Variants in ZNF592 observed in about 807,000 individuals in gnomAD.
ZNF592 encodes the protein zinc finger protein 592, also known as spinocerebellar ataxia, autosomal recessive 5.
ZNF592 carries 11 observed loss-of-function variants against 80.3 expected under a neutral mutation model. The ratio of observed to expected loss-of-function variants is 0.14; its 90% CI spans 0.09 to 0.23. The LOEUF is 0.23. Ranked by LOEUF, ZNF592 falls within the 10% of genes least tolerant of loss-of-function variation. The probability of loss-of-function intolerance (pLI) is 1.00; values close to 1 mark genes in which losing one functional copy is unlikely to be tolerated. For missense variants in ZNF592, 1,420 were observed against 1,633.9 expected, an observed-to-expected ratio of 0.87 and a Z score of 2.26; for synonymous variants, 646 against 640.3, an observed-to-expected ratio of 1.01 and a Z score of -0.13.
At chr15:84,789,285 A>G (rs753435000) in intron 4 of ZNF592, among the ~76,000 whole-genome samples, 1 of 151,480 alleles carries the variant, frequency 6.6e-6, no homozygotes, top group Non-Finnish European at 1.5e-5. Flanking sequence ...AGGCTGAATA[A>G]TATTCCATTG....
intron 5 of ZNF592, among the ~76,000 whole-genome samples, chr15:84,797,170 T>C (rs1596133700): frequency 6.6e-6 from 1 of 152,306 alleles, no homozygotes; most frequent in East Asian, 1.9e-4. Context: ...ATGTCGGCCA[T>C]GTCTCATCTT....
At chr15:84,790,583 A>C (rs1962717982) in intron 4 of ZNF592, 122 bp from the exon 5 acceptor site, 3 of 974,548 alleles carry the variant, frequency 3.1e-6, no homozygotes, top group African/African-American at 1.6e-5. Context: ...GAGAGTTGGA[A>C]GAGAGAGTGG....
chr15:84,777,978 G>A (rs938576661), intron 2 of ZNF592, among the ~76,000 whole-genome samples: 3 of 152,090 alleles, frequency 2.0e-5, no homozygotes, highest in Admixed American at 2.0e-4. Context: ...GATTACAGGC[G>A]TGAGCCACCG....
chr15:84,778,239 C>T lies in ZNF592; in HGVS notation c.-93C>T. 4.0e-6 allele frequency: 1 copy of T among 247,312 alleles called. No homozygotes were observed. Among genetic ancestry groups the T allele is most frequent in the Non-Finnish European group, 7.9e-6 (1 of 126,194 alleles). 15.3% of individuals were successfully genotyped at this position (247,312 alleles called of 1,614,324 possible). A position where few individuals can be genotyped will look rare whatever the true frequency, so the allele number is the denominator to read the frequency against. On this transcript the variant is annotated 5_prime_UTR_variant, in exon 3 of 11. Coordinates refer to ENST00000560079, the MANE Select transcript of ZNF592 (RefSeq NM_014630.3). ...GAGAAGACAGAAGGAAGACGCTCCC[C>T]CGTACGGAGACAGAGGGAGGGGGGG... is the stretch of plus-strand genomic sequence containing the variant.
At chr15:84,786,170 A>G (rs933860206) in intron 4 of ZNF592, among the ~76,000 whole-genome samples, 1 of 152,120 alleles carries the variant, frequency 6.6e-6, no homozygotes, top group Non-Finnish European at 1.5e-5. Context: ...CAACCAGGGG[A>G]TGCCGGCAGA....
intron 1 of ZNF592, among the ~76,000 whole-genome samples, chr15:84,764,286 T>C (rs1391505383): frequency 6.6e-6 from 1 of 152,216 alleles, no homozygotes; most frequent in Non-Finnish European, 1.5e-5. Context: ...CTGAGGTTGG[T>C]GGCATAATGC....
intron 1 of ZNF592, among the ~76,000 whole-genome samples, chr15:84,759,711 G>A (rs982339447): frequency 2.0e-5 from 3 of 152,148 alleles, no homozygotes; most frequent in African/African-American, 7.2e-5. Context: ...GGCACTTGGG[G>A]GCAAGAGTGT....
At chr15:84,787,279 C>T (rs1443454630) in intron 4 of ZNF592, among the ~76,000 whole-genome samples, 1 of 152,138 alleles carries the variant, frequency 6.6e-6, no homozygotes, top group African/African-American at 2.4e-5. Flanking sequence ...AGAAGAGCAC[C>T]CGCCGACAGG....
intron 2 of ZNF592, among the ~76,000 whole-genome samples, chr15:84,766,175 G>T (rs1899513587): frequency 6.6e-6 from 1 of 151,992 alleles, no homozygotes; most frequent in Non-Finnish European, 1.5e-5. Flanking sequence ...ACCGTGCCTG[G>T]CTACATGGTC....
intron 1 of ZNF592, among the ~76,000 whole-genome samples, chr15:84,751,736 C>G (rs992171917): frequency 6.6e-6 from 1 of 151,834 alleles, no homozygotes; most frequent in African/African-American, 2.4e-5. Context: ...GAAACCCTGT[C>G]TCTACTAAAA....
chr15:84,796,260 A>ATTT (rs1351595188), intron 5 of ZNF592, among the ~76,000 whole-genome samples: 95 of 27,618 alleles, frequency 3.4e-3, no homozygotes, highest in African/African-American at 3.9e-3. Context: ...ATATATATAT[A>ATTT]TATATTTTAT....
chr15:84,766,482 G>T (rs922599565), intron 2 of ZNF592, among the ~76,000 whole-genome samples: 3 of 152,112 alleles, frequency 2.0e-5, no homozygotes, highest in Non-Finnish European at 4.4e-5. Flanking sequence ...CTTGCTGAAG[G>T]CTGGCTTCCC....
At chr15:84,800,354 A>G (rs1296693555) in intron 10 of ZNF592, among the ~76,000 whole-genome samples, 2 of 151,574 alleles carry the variant, frequency 1.3e-5, no homozygotes, top group Non-Finnish European at 2.9e-5. Flanking sequence ...TGTTTGGCCA[A>G]CTCACCCCCC....
intron 1 of ZNF592, among the ~76,000 whole-genome samples, chr15:84,750,514 C>A (rs1425632780): frequency 6.6e-6 from 1 of 151,982 alleles, no homozygotes; most frequent in Non-Finnish European, 1.5e-5. Flanking sequence ...AAGAAGGAAG[C>A]AGGGAAGGAG....
At position 84,764,052 on chromosome 15, in the gene ZNF592, C is replaced by T. The variant is rs184299592; in HGVS notation, c.-258-655C>T. ...ATCACCTGCTCTGTGCTGACCTCTT[C>T]CTACACTGCTATCTGCCCCCGCCAT... On this transcript the variant is annotated intron_variant, in intron 1 of 10. Coordinates refer to ENST00000560079, the MANE Select transcript of ZNF592 (RefSeq NM_014630.3). Among the ~76,000 whole-genome samples the T allele has an allele frequency of 1.4e-3, 210 of 152,324 alleles. 1 individual carries two copies. Among genetic ancestry groups the T allele is most frequent in the African/African-American group, 4.9e-3 (203 of 41,580 alleles).
chr15:84,793,294 C>T (rs1156415302), intron 5 of ZNF592, among the ~76,000 whole-genome samples: 3 of 152,104 alleles, frequency 2.0e-5, no homozygotes, highest in African/African-American at 7.2e-5. Flanking sequence ...CCAGGCTGGT[C>T]TCAAACTCCT....
chr15:84,802,490 G>C lies in ZNF592; in HGVS notation c.*97G>C, dbSNP rs1000304438. 98 of 1,423,042 alleles carry C rather than the reference G, an allele frequency of 6.9e-5. No individual in the cohort carries two copies. The highest frequency in any genetic ancestry group is 4.2e-4 in the South Asian group (34 of 81,790). The allele number at this position is 1,423,042 out of a possible 1,614,324, so 88.2% of individuals were successfully genotyped here. A position where few individuals can be genotyped will look rare whatever the true frequency, so the allele number is the denominator to read the frequency against. On this transcript the variant is annotated 3_prime_UTR_variant, in exon 11 of 11. Transcript: ENST00000560079. ...AAATAAAAGGCTCTGCCCCCAGTGT[G>C]AGTGTGACCGGTTGTACCCTGGAGT... is the stretch of plus-strand genomic sequence containing the variant.
At chr15:84,785,794 T>TC (rs2141989023) in intron 4 of ZNF592, among the ~76,000 whole-genome samples, 1 of 151,914 alleles carries the variant, frequency 6.6e-6, no homozygotes, top group Non-Finnish European at 1.5e-5. Flanking sequence ...AACTGCGTTC[T>TC]CACCACTCCA....
intron 5 of ZNF592, among the ~76,000 whole-genome samples, chr15:84,791,285 G>C (rs1281539562): frequency 6.6e-6 from 1 of 152,172 alleles, no homozygotes; most frequent in Non-Finnish European, 1.5e-5. Flanking sequence ...AACAAATGGG[G>C]CTGCAAGATG....
Sources: gnomAD v4.1 joint callset for allele counts (sites outside exome capture counted in the v4.1 genomes callset) on GRCh38, gnomAD v4.1.1 for gene constraint, MANE v1.5 for transcripts, NCBI Gene and HGNC (gene_info 2026-07-23, HGNC 2026-07-21) for gene names.